The following PIGB variants were observed in gnomAD, a reference collection of about 807,000 sequenced individuals.
PIGB encodes phosphatidylinositol glycan anchor biosynthesis class B, also known as GPI alpha-1,2-mannosyltransferase 3.
A neutral mutation model predicts 68.4 loss-of-function variants in PIGB; 58 were observed. The observed-to-expected ratio is 0.85, with a 90% CI of 0.69 to 1.06. PIGB has a LOEUF of 1.06. Among genes scored for constraint, PIGB ranks in the 50% least tolerant of loss-of-function variants. PIGB has a pLI of 0.00. For missense variants in PIGB, 634 were observed against 655.8 expected, an observed-to-expected ratio of 0.97 and a Z score of 0.36; for synonymous variants, 219 against 220.5, an observed-to-expected ratio of 0.99 and a Z score of 0.06.
chr15:55,344,588 C>T (rs1260728939), intron 9 of PIGB, among the ~76,000 whole-genome samples: 1 of 152,216 alleles, frequency 6.6e-6, no homozygotes, highest in African/African-American at 2.4e-5. Flanking sequence ...GGTAACTTCT[C>T]TTGCCTAATT....
At position 55,341,721 on chromosome 15, in the gene PIGB, ATT is replaced by A. The variant is rs2141202027; in HGVS notation, c.1059-15_1059-14del. On this transcript the variant is annotated splice_polypyrimidine_tract_variant and intron_variant, in intron 8 of 11. Transcript: ENST00000164305. Reference sequence around the variant, plus strand: ...ATGATAATTAATATTTTTTAATAATATTTGTTTTTATTACAGCATGTTGAGCC... The same window carrying A: ...ATGATAATTAATATTTTTTAATAATATGTTTTTATTACAGCATGTTGAGCC... 1 of 1,160,584 alleles carries A rather than the reference ATT, an allele frequency of 8.6e-7. No individual in the cohort carries two copies. The highest frequency in any genetic ancestry group is 1.2e-6 in the Non-Finnish European group (1 of 841,468). The allele number at this position is 1,160,584 out of a possible 1,614,324, so 71.9% of individuals were successfully genotyped here.
intron 2 of PIGB, 86 bp from the exon 3 acceptor site, chr15:55,321,187 A>G (rs2055154635): frequency 8.0e-7 from 1 of 1,253,716 alleles, no homozygotes. Flanking sequence ...CAGCCTGGGC[A>G]AGAGAGTGAG....
chr15:55,342,773 T>A (rs558566018), intron 9 of PIGB, among the ~76,000 whole-genome samples: 21 of 152,356 alleles, frequency 1.4e-4, no homozygotes, highest in Non-Finnish European at 2.9e-4. Flanking sequence ...TTAACATGTA[T>A]TTTTTTGTCA....
chr15:55,335,512 C>G (rs1490584037), intron 6 of PIGB, among the ~76,000 whole-genome samples: 1 of 152,086 alleles, frequency 6.6e-6, no homozygotes, highest in Non-Finnish European at 1.5e-5. Context: ...TAGGGAGAGA[C>G]AGACAGCTAA....
At chr15:55,347,981 TTC>T in intron 9 of PIGB, among the ~76,000 whole-genome samples, 3 of 142,338 alleles carry the variant, frequency 2.1e-5, no homozygotes, top group Admixed American at 6.9e-5. Context: ...GTGCCATAGT[TTC>T]TTTTTTTTTT....
At chr15:55,350,137 G>A (rs2055889563) in intron 9 of PIGB, 1 of 152,030 alleles carries the variant, frequency 6.6e-6, no homozygotes, top group African/African-American at 2.4e-5. Context: ...ATTTCCCACT[G>A]TTGTGGGAAA....
intron 10 of PIGB, among the ~76,000 whole-genome samples, chr15:55,354,090 T>C (rs1006516481): frequency 6.6e-6 from 1 of 150,824 alleles, no homozygotes; most frequent in Non-Finnish European, 1.5e-5. Context: ...GGCGGGTGGA[T>C]CACCTGAGGT....
chr15:55,340,952 G>T (rs2055656527), intron 8 of PIGB, 129 bp downstream of exon 8: 1 of 606,396 alleles, frequency 1.6e-6, no homozygotes, highest in African/African-American at 1.9e-5. Context: ...TATCTTAGAA[G>T]ATACAAGTAG....
intron 3 of PIGB, among the ~76,000 whole-genome samples, chr15:55,326,358 G>A (rs2141170119): frequency 6.6e-6 from 1 of 152,250 alleles, no homozygotes; most frequent in African/African-American, 2.4e-5. Flanking sequence ...GGTTTATAAT[G>A]CCGGCTTTCA....
At chr15:55,334,725 TA>T (rs2055496135) in intron 6 of PIGB, among the ~76,000 whole-genome samples, 1 of 152,226 alleles carries the variant, frequency 6.6e-6, no homozygotes, top group African/African-American at 2.4e-5. Context: ...TGGCTATATA[TA>T]TTTTTTTATT....
chr15:55,343,009 GT>G (rs2055706956), intron 9 of PIGB: 2 of 151,862 alleles, frequency 1.3e-5, no homozygotes, highest in Admixed American at 1.3e-4. Flanking sequence ...GGGAGTTACA[GT>G]TTTCAAACTT....
intron 9 of PIGB, among the ~76,000 whole-genome samples, chr15:55,345,385 G>T (rs1297075219): frequency 1.3e-5 from 2 of 152,058 alleles, no homozygotes; most frequent in African/African-American, 4.8e-5. Context: ...CCACTTAAAG[G>T]TCTTTGTTTT....
rs1176657411 is a variant in PIGB, at chr15:55,319,395, A to T, written c.145A>T (p.Ser49Cys). 1 of 1,552,194 alleles carries T rather than the reference A, an allele frequency of 6.4e-7. No homozygotes were observed. Among genetic ancestry groups the T allele is most frequent in the African/African-American group, 1.4e-5 (1 of 73,120 alleles). ...STLYFNTQEK[S>C]ARRRGDLLGE... ...CTTGTACTTCAACACCCAGGAGAAG[A>T]GCGCCAGGCGCCGCGGGGGTGAGTG... Residue 49 changes from serine (S) to cysteine (C), a missense_variant, in exon 1 of 12, where the codon AGC becomes TGC. Physicochemically the swap from Ser to Cys is moderately radical, Grantham distance 112. Transcript: ENST00000164305.
chr15:55,333,674 G>C (rs2055471399), intron 5 of PIGB, among the ~76,000 whole-genome samples, 193 bp from the exon 6 acceptor site: 1 of 152,208 alleles, frequency 6.6e-6, no homozygotes, highest in Admixed American at 6.5e-5. Context: ...AGAAGTTGCC[G>C]TGAGCCAAGA....
chr15:55,322,361 G>A (rs763121291), intron 3 of PIGB, among the ~76,000 whole-genome samples: 4 of 152,026 alleles, frequency 2.6e-5, no homozygotes, highest in Non-Finnish European at 4.4e-5. Flanking sequence ...CATAATCATC[G>A]TCCTATATAG....
At chr15:55,327,096 GTCAA>G (rs904571417) in intron 3 of PIGB, among the ~76,000 whole-genome samples, 6 of 151,398 alleles carry the variant, frequency 4.0e-5, no homozygotes, top group African/African-American at 1.2e-4. Context: ...GTGAGACCCT[GTCAA>G]TCAATCAATA....
At chr15:55,344,959 A>C (rs1212959982) in intron 9 of PIGB, among the ~76,000 whole-genome samples, 1 of 141,410 alleles carries the variant, frequency 7.1e-6, no homozygotes, top group African/African-American at 2.7e-5. Context: ...GCAGTGGCGC[A>C]ATCTCAGCTC....
chr15:55,321,917 G>A (rs1231088992), intron 3 of PIGB, among the ~76,000 whole-genome samples: 1 of 146,646 alleles, frequency 6.8e-6, no homozygotes, highest in African/African-American at 2.5e-5. Context: ...GCTCACACCT[G>A]TAATCCCAGC....
At chr15:55,338,733 G>C (rs2055593995) in intron 6 of PIGB, among the ~76,000 whole-genome samples, 1 of 152,122 alleles carries the variant, frequency 6.6e-6, no homozygotes, top group Non-Finnish European at 1.5e-5. Context: ...GACTTACCCT[G>C]GGTTAAGCCA....
Sources: gnomAD v4.1 joint callset for allele counts (sites outside exome capture counted in the v4.1 genomes callset) on GRCh38, gnomAD v4.1.1 for gene constraint, MANE v1.5 for transcripts, NCBI Gene and HGNC (gene_info 2026-07-23, HGNC 2026-07-21) for gene names.